Variants in TTN observed in about 807,000 individuals in gnomAD.
TTN encodes connectin.
Under a neutral mutation model 3,223.0 loss-of-function variants are expected in TTN, and 1,525 were observed. That is an observed-to-expected ratio of 0.47 (90% CI 0.45 to 0.49). The LOEUF is 0.49. TTN is among the 20% of genes least tolerant of loss of function. TTN has a pLI of 0.00. For synonymous variants in TTN, 14,094 were observed against 15,161.0 expected (o/e 0.93, Z 5.17); for missense variants, 40,786 against 43,424.0 (o/e 0.94, Z 5.40).
chr2:178,631,312 G>T lies in TTN; in HGVS notation c.43748-12C>A. On this transcript the variant is annotated splice_polypyrimidine_tract_variant and intron_variant, in intron 236 of 362. Coordinates refer to ENST00000589042, the MANE Select transcript of TTN (RefSeq NM_001267550.2). ...ATATGGGTCTCCCTCTGCAAGTAAAGTATAAGTGAAAAGCTTTTATTAATC... is the reference window on the plus strand; with the variant it reads ...ATATGGGTCTCCCTCTGCAAGTAAATTATAAGTGAAAAGCTTTTATTAATC... 1 of 1,593,610 alleles carries T rather than the reference G, an allele frequency of 6.3e-7. No homozygotes were observed. The highest frequency in any genetic ancestry group is 1.3e-5 in the African/African-American group (1 of 74,132).
At position 178,729,036 on chromosome 2, in the gene TTN, T is replaced by G. The variant is rs755041916; in HGVS notation, c.19002A>C (p.Glu6334Asp). 6.2e-7 allele frequency: 1 copy of G among 1,612,912 alleles called. No homozygotes were observed. The highest frequency in any genetic ancestry group is 1.1e-5 in the South Asian group (1 of 90,990). The part of the protein sequence containing the change: ...TWLKDDQILD[E>D]DDNVYISFVD... ...CAAATGAAATATAGACATTATCATC[T>G]TCATCAAGAATCTGATCATCCTTTA... The change falls in exon 65 of 363, where the codon GAA (glutamate) becomes GAC (aspartate). Residue 6334 changes from glutamate (E) to aspartate (D), a missense_variant. Coordinates refer to ENST00000589042, the MANE Select transcript of TTN (RefSeq NM_001267550.2).
rs900886438 is a variant in TTN, at chr2:178,728,959, C to T, written c.19079G>A (p.Gly6360Glu). ...QIRSVDNGHS[G>E]RYTCQAKNES... ...ATTCTTGGCTTGACAGGTATATCTC[C>T]CACTGTGTCCATTATCCACACTTCT... is the stretch of plus-strand genomic sequence containing the variant. The change falls in exon 65 of 363, where the codon GGG (glycine) becomes GAG (glutamate). Residue 6360 changes from glycine (G) to glutamate (E), a missense_variant. Transcript: ENST00000589042. The T allele has an allele frequency of 1.9e-6, 3 of 1,612,958 alleles. No homozygotes were observed. Among genetic ancestry groups the T allele is most frequent in the South Asian group, 1.1e-5 (1 of 90,976 alleles).
At chr2:178,715,291 G>A in intron 89 of TTN, 27 bp from the exon 90 acceptor site, 1 of 1,574,450 alleles carries the variant, frequency 6.4e-7, no homozygotes, top group South Asian at 1.2e-5. Flanking sequence ...GGAAAATACG[G>A]ATGTATTCTG....
rs72647896 is a variant in TTN at position 178,751,394 on chromosome 2, T to C, written c.11311+1730A>G. ...TAAATATTCTTCATCATACATGTAA[T>C]CTGTTTTCTTGGCAGAACTCATTGT... is the stretch of plus-strand genomic sequence containing the variant. On this transcript the variant is annotated intron_variant, in intron 47 of 362. Transcript: ENST00000589042. The C allele has an allele frequency of 1.0e-3, 1,631 of 1,608,358 alleles. 17 individuals carry two copies. In the African/African-American group the frequency reaches 0.02, roughly 20 times the overall value.
At chr2:178,626,992 T>C (rs925543182) in intron 240 of TTN, among the ~76,000 whole-genome samples, 2 of 151,922 alleles carry the variant, frequency 1.3e-5, no homozygotes, top group African/African-American at 2.4e-5. Context: ...GTAGGTGCCT[T>C]ATAAAAATAA....
At position 178,767,983 on chromosome 2, in the gene TTN, T is replaced by C. The variant is rs2291313; in HGVS notation, c.9305+31A>G. On this transcript the variant is annotated intron_variant, in intron 39 of 362. Transcript: ENST00000589042. ...TGGTGATTCAGAGGAAACTGGGAAT[T>C]ACTGGAATGTAGCAAGACAAAACAA... The C allele has an allele frequency of 0.74, 1,199,605 of 1,613,752 alleles. 459,507 individuals are homozygous for C. The highest frequency in any genetic ancestry group is 0.8 in the Non-Finnish European group (944,898 of 1,179,906).
chr2:178,546,480 A>G lies in TTN; in HGVS notation c.94851T>C (p.Asp31617=). 6.2e-7 allele frequency: 1 copy of G among 1,612,506 alleles called. No homozygotes were observed. Among genetic ancestry groups the G allele is most frequent in the Non-Finnish European group, 8.5e-7 (1 of 1,178,768 alleles). ...TAACCAGATCACCGTGTAATCGGGC[A>G]TCCAGTTCGGCTTTGGGTGGAGCTG... ...DEYAPPKAEL[D]ARLHGDLVTI... is the part of the protein sequence containing the mutation. Residue 31617 remains aspartate, a synonymous_variant, in exon 342 of 363, where the codon GAT becomes GAC. Coordinates refer to ENST00000589042, the MANE Select transcript of TTN (RefSeq NM_001267550.2).
rs869312075 is a variant in TTN, at chr2:178,576,288, CT to C, written c.69843del (p.Val23282Ter). ...TCTTTTATCCAGGCCTCGTCTCCTA[CT>C]TTTTGATGCTCCACGACATAGCCAG... ...EITGYVVEHQKVGDEAWIKDT... is the reference protein window; with the variant it reads ...EITGYVVEHQXVGDEAWIKDT... On this transcript the variant is annotated frameshift_variant, in exon 326 of 363. Transcript: ENST00000589042. LOFTEE classifies it high-confidence loss of function. The surrounding 1 kb of genome is among the most constrained non-coding windows in gnomAD (Gnocchi z 4.3). 6.2e-7 allele frequency: 1 copy of C among 1,600,140 alleles called. No individual in the cohort carries two copies. Among genetic ancestry groups the C allele is most frequent in the Non-Finnish European group, 8.5e-7 (1 of 1,174,230 alleles).
Position 178,573,347 on chromosome 2 carries a change from C to T in TTN, c.72785G>A (p.Arg24262His), listed in dbSNP as rs372390659. Residue 24262 changes from arginine (R) to histidine (H), a missense_variant, in exon 326 of 363, where the codon CGT (arginine) becomes CAT (histidine). Coordinates refer to ENST00000589042, the MANE Select transcript of TTN (RefSeq NM_001267550.2). Reference protein sequence around the residue: ...SEIINYIVERRDKAGQRWIKC... With the variant: ...SEIINYIVERHDKAGQRWIKC... ...AATCCAGCGTTGGCCAGCTTTATCA[C>T]GCCGTTCCACAATATAATTGATGAT... The T allele has an allele frequency of 2.7e-5, 42 of 1,536,944 alleles. 1 individual carries two copies. The highest frequency in any genetic ancestry group is 1.8e-4 in the Middle Eastern group (1 of 5,690).
rs760676361 is a variant in TTN, at chr2:178,541,472, A to C, written c.97605T>G (p.Ile32535Met). The C allele has an allele frequency of 4.9e-5, 79 of 1,613,368 alleles. No individual in the cohort carries two copies. The highest frequency in any genetic ancestry group is 6.4e-5 in the Non-Finnish European group (75 of 1,179,598). ...CTGCTCTCACTTCTTTGCGCTCCAC[A>C]ATATATCCAGTCACTTGGGAGCCAC... ...DDGGSQVTGY[I>M]VERKEVRADR... The change falls in exon 350 of 363, where the codon ATT (isoleucine) becomes ATG (methionine). Residue 32535 changes from isoleucine (I) to methionine (M), a missense_variant. Ile to Met is a conservative substitution (Grantham distance 10). Coordinates refer to ENST00000589042, the MANE Select transcript of TTN (RefSeq NM_001267550.2).
chr2:178,535,673 T>A lies in TTN; in HGVS notation c.100942A>T (p.Arg33648Ter). Residue 33648 changes from arginine (R) to a stop codon, truncating the protein, a stop_gained, in exon 358 of 363, where the codon AGA (arginine) becomes TGA (stop). Transcript: ENST00000589042. LOFTEE classifies it high-confidence loss of function. ...GGGAAAACAAGTGATGTGAAGGATCTTGTGACAATAACTTGGTAGTGGCCA... is the reference window on the plus strand; with the variant it reads ...GGGAAAACAAGTGATGTGAAGGATCATGTGACAATAACTTGGTAGTGGCCA... The part of the protein sequence containing the change: ...NNGHYQVIVT[R>*]SFTSLVFPNG... The A allele has an allele frequency of 6.2e-7, 1 of 1,613,860 alleles. No individual in the cohort carries two copies. Among genetic ancestry groups the A allele is most frequent in the Non-Finnish European group, 8.5e-7 (1 of 1,179,794 alleles).
rs1199616569 is a variant in TTN, at chr2:178,731,843, G to A, written c.17032C>T (p.Arg5678Ter). 4 of 1,613,620 alleles carry A rather than the reference G, an allele frequency of 2.5e-6. No homozygotes were observed. The highest frequency in any genetic ancestry group is 1.3e-5 in the African/African-American group (1 of 74,880). The change falls in exon 58 of 363, where the codon CGA (arginine) becomes TGA (stop). Residue 5678 changes from arginine (R) to a stop codon, truncating the protein, a stop_gained. Coordinates refer to ENST00000589042, the MANE Select transcript of TTN (RefSeq NM_001267550.2). LOFTEE classifies it high-confidence loss of function. ...ITWFKDNTILRSGRKYKTFIQ... is the reference protein window; with the variant it reads ...ITWFKDNTIL The stretch of plus-strand genomic sequence containing the variant: ...AAAGTCTTATACTTTCTACCACTTC[G>A]CAGGATTGTGTTATCTTTGAACCAA...
At chr2:178,584,229 C>G (rs997935667) in intron 311 of TTN, 47 bp downstream of exon 311, 3 of 1,516,664 alleles carry the variant, frequency 2.0e-6, no homozygotes, top group Non-Finnish European at 2.6e-6. Flanking sequence ...AAATGTGCCT[C>G]CATAATACTA....
Position 178,609,790 on chromosome 2 carries a change from T to A in TTN, c.51633A>T (p.Gly17211=), listed in dbSNP as rs879091553. 2 of 1,612,914 alleles carry A rather than the reference T, an allele frequency of 1.2e-6. No individual in the cohort carries two copies. Among genetic ancestry groups the A allele is most frequent in the East Asian group, 4.5e-5 (2 of 44,792 alleles). ...ATTGGTACTCTTTCCCCTCTTCAAG[T>A]CCTTTTGCTGTATAGGTCAGGATTG... ...LVPILTYTAK[G]LEEGKEYQFR... Residue 17211 remains glycine (G), a synonymous_variant, in exon 272 of 363, where the codon GGA becomes GGT. Coordinates refer to ENST00000589042, the MANE Select transcript of TTN (RefSeq NM_001267550.2).
At chr2:178,651,197 G>T in intron 208 of TTN, 46 bp downstream of exon 208, 1 of 1,511,506 alleles carries the variant, frequency 6.6e-7, no homozygotes, top group Non-Finnish European at 9.1e-7. Flanking sequence ...TGACTTATTA[G>T]ACAAGGGTGA....
chr2:178,759,001 G>C lies in TTN; in HGVS notation c.10286C>G (p.Ala3429Gly). Residue 3429 changes from alanine (A) to glycine (G), a missense_variant, in exon 44 of 363, where the codon GCC becomes GGC. By Grantham distance (60) the Ala-to-Gly change is moderately conservative. Transcript: ENST00000589042. ...TACTTTACCTTCCAGACTCAGGTTGGCTGTGCTTGATACTTGGCCTACAGC... is the reference window on the plus strand; with the variant it reads ...TACTTTACCTTCCAGACTCAGGTTGCCTGTGCTTGATACTTGGCCTACAGC... ...SNAVGQVSST[A>G]NLSLEGFSKF... 1 of 1,613,964 alleles carries C rather than the reference G, an allele frequency of 6.2e-7. No homozygotes were observed. Among genetic ancestry groups the C allele is most frequent in the Non-Finnish European group, 8.5e-7 (1 of 1,179,940 alleles).
rs1245556680 is a variant in TTN, at chr2:178,678,469, A to T, written c.33855T>A (p.Pro11285=). The T allele has an allele frequency of 6.3e-7, 1 of 1,594,092 alleles. No individual in the cohort carries two copies. The change falls in exon 144 of 363, where the codon CCT becomes CCA. Residue 11285 remains proline (P), a synonymous_variant. Coordinates refer to ENST00000589042, the MANE Select transcript of TTN (RefSeq NM_001267550.2). ...KVPEVPKKPV[P]EKKVPVPAPK... is the part of the protein sequence containing the mutation. Reference sequence around the variant, plus strand: ...GAGCAGGAACTGGCACCTTCTTCTCAGGCACAGGCTTCTTGGGTACCTCTG... The same window carrying T: ...GAGCAGGAACTGGCACCTTCTTCTCTGGCACAGGCTTCTTGGGTACCTCTG...
chr2:178,722,412 A>G lies in TTN; in HGVS notation c.22375T>C (p.Leu7459=). ...QVCWYRDGVL[L]RDDENLQTSF... ...GTCTGTAGATTTTCATCGTCTCTTA[A>G]AAGTACTCCATCTCTATACCAGCAC... Residue 7459 remains leucine (L), a synonymous_variant, in exon 77 of 363, where the codon TTA becomes CTA. Coordinates refer to ENST00000589042, the MANE Select transcript of TTN (RefSeq NM_001267550.2). The G allele has an allele frequency of 6.2e-7, 1 of 1,613,434 alleles. No homozygotes were observed. Among genetic ancestry groups the G allele is most frequent in the Non-Finnish European group, 8.5e-7 (1 of 1,179,548 alleles).
Position 178,584,848 on chromosome 2 carries a change from T to C in TTN, c.64793A>G (p.Glu21598Gly), listed in dbSNP as rs1310732379. The change falls in exon 310 of 363, where the codon GAG becomes GGG. Residue 21598 changes from glutamate to glycine, a missense_variant. Physicochemically the swap from Glu to Gly is moderately conservative, Grantham distance 98 (BLOSUM62 -2). Coordinates refer to ENST00000589042, the MANE Select transcript of TTN (RefSeq NM_001267550.2). ...GTCACCTCGGCTTACATCACACTTC[T>C]CCACTATATAATTGGTGATGTTACT... ...GGSNITNYIV[E>G]KCDVSRGDWV... The C allele has an allele frequency of 6.2e-7, 1 of 1,613,280 alleles. No homozygotes were observed.
Sources: gnomAD v4.1 joint callset for allele counts (sites outside exome capture counted in the v4.1 genomes callset) on GRCh38, gnomAD v4.1.1 for gene constraint, Gnocchi (gnomAD v3.1) non-coding constraint, MANE v1.5 for transcripts, NCBI Gene and HGNC (gene_info 2026-07-23, HGNC 2026-07-21) for gene names.